Variants in APBB1IP observed in about 807,000 individuals in gnomAD.
APBB1IP encodes the protein amyloid beta precursor protein binding family B member 1 interacting protein.
Under a neutral mutation model 64.9 loss-of-function variants are expected in APBB1IP, and 27 were observed. The ratio of observed to expected loss-of-function variants is 0.42; its 90% confidence interval spans 0.31 to 0.57. The LOEUF is 0.57. APBB1IP is among the 20% of genes least tolerant of loss of function. APBB1IP has a pLI of 0.20. For missense variants in APBB1IP, 812 were observed against 845.5 expected (o/e 0.96, Z 0.49); for synonymous variants, 392 against 331.0 (o/e 1.18, Z -2.00).
At chr10:26,545,738 CG>C (rs1836754791) in intron 11 of APBB1IP, among the ~76,000 whole-genome samples, 1 of 148,032 alleles carries the variant, frequency 6.8e-6, no homozygotes, top group African/African-American at 2.5e-5. Flanking sequence ...CCAGCCTGGG[CG>C]ACAGAGCGAG....
intron 2 of APBB1IP, among the ~76,000 whole-genome samples, chr10:26,445,182 AAGAAAG>A (rs1194783887): frequency 1.4e-5 from 2 of 142,144 alleles, no homozygotes; most frequent in Non-Finnish European, 3.2e-5. Flanking sequence ...GAAAGAAAGA[AAGAAAG>A]AAAGAAAAGG....
intron 3 of APBB1IP, among the ~76,000 whole-genome samples, chr10:26,493,921 C>T (rs1399972950): frequency 6.6e-6 from 1 of 152,176 alleles, no homozygotes; most frequent in East Asian, 1.9e-4. Flanking sequence ...ACTGCAGCCT[C>T]AACCTCTTGG....
intron 4 of APBB1IP, among the ~76,000 whole-genome samples, chr10:26,498,713 T>C (rs1273107391): frequency 2.0e-5 from 3 of 152,166 alleles, no homozygotes; most frequent in Admixed American, 2.0e-4. Flanking sequence ...ACTAACTCAG[T>C]GCCTGGTATC....
intron 6 of APBB1IP, among the ~76,000 whole-genome samples, chr10:26,510,157 A>G (rs1230209538): frequency 2.6e-5 from 4 of 152,056 alleles, no homozygotes; most frequent in African/African-American, 9.7e-5. Context: ...TTTAGTAGAG[A>G]CGGGGTTTCA....
intron 2 of APBB1IP, among the ~76,000 whole-genome samples, chr10:26,475,755 G>A (rs1835768093): frequency 6.6e-6 from 1 of 152,192 alleles, no homozygotes; most frequent in East Asian, 1.9e-4. Flanking sequence ...ACACAGGAGA[G>A]ATAATATTTT....
At chr10:26,541,546 C>T (rs745980852) in intron 10 of APBB1IP, 36 bp from the exon 11 acceptor site, 5 of 1,406,902 alleles carry the variant, frequency 3.6e-6, no homozygotes, top group Middle Eastern at 1.8e-4. Context: ...TAACTGTCAT[C>T]TCAGTTGAAG....
intron 6 of APBB1IP, among the ~76,000 whole-genome samples, chr10:26,508,035 A>G (rs1470478764): frequency 6.6e-6 from 1 of 152,244 alleles, no homozygotes; most frequent in Non-Finnish European, 1.5e-5. Flanking sequence ...AAAGAAAATT[A>G]CGAAGACAAG....
chr10:26,506,245 G>A (rs1421001176), intron 6 of APBB1IP, among the ~76,000 whole-genome samples: 5 of 75,544 alleles, frequency 6.6e-5, no homozygotes, highest in Non-Finnish European at 1.6e-4. Context: ...ACTACCGTGT[G>A]TGTGTGGGGG....
chr10:26,531,547 G>A (rs1200971439), intron 8 of APBB1IP, among the ~76,000 whole-genome samples: 1 of 151,376 alleles, frequency 6.6e-6, no homozygotes, highest in Non-Finnish European at 1.5e-5. Flanking sequence ...GGCGCCTGTA[G>A]TCCCAGCTAC....
intron 2 of APBB1IP, among the ~76,000 whole-genome samples, chr10:26,486,184 T>C (rs926781642): frequency 6.6e-6 from 1 of 152,226 alleles, no homozygotes; most frequent in African/African-American, 2.4e-5. Flanking sequence ...CGCTCTCCAC[T>C]TCATCATAAG....
intron 6 of APBB1IP, among the ~76,000 whole-genome samples, chr10:26,508,259 A>G (rs1836208444): frequency 6.6e-6 from 1 of 152,224 alleles, no homozygotes. Context: ...TTGAATTACA[A>G]ATGATGTATA....
At chr10:26,446,101 G>A (rs1835395337) in intron 2 of APBB1IP, among the ~76,000 whole-genome samples, 1 of 152,126 alleles carries the variant, frequency 6.6e-6, no homozygotes, top group Non-Finnish European at 1.5e-5. Flanking sequence ...GCAGAAGCGG[G>A]GAATCCCACA....
At chr10:26,462,003 T>C (rs531751307) in intron 2 of APBB1IP, among the ~76,000 whole-genome samples, 1 of 152,332 alleles carries the variant, frequency 6.6e-6, no homozygotes, top group African/African-American at 2.4e-5. Context: ...CACCTCCATA[T>C]TTTGCTAACT....
Position 26,524,974 on chromosome 10 carries a change from T to TTTTTTTTTTTTTTTTTTTTTTTTTTTTA in APBB1IP, c.814-8465_814-8464insTTTTTTTTTTTTTTTTTTTTTTTTTTTA, listed in dbSNP as rs1554778195. On this transcript the variant is annotated intron_variant, in intron 8 of 14. Transcript: ENST00000376236. ...TTCTTTCTTTTTTTTTTTTTTTTTT[T>TTTTTTTTTTTTTTTTTTTTTTTTTTTTA]ATAAAAAAAGGAATCCTGGCAAGAG... Among the ~76,000 whole-genome samples, 73 of 126,730 alleles carry TTTTTTTTTTTTTTTTTTTTTTTTTTTTA rather than the reference T, an allele frequency of 5.8e-4. 2 individuals carry two copies. Among genetic ancestry groups the TTTTTTTTTTTTTTTTTTTTTTTTTTTTA allele is most frequent in the East Asian group, 1.2e-3 (4 of 3,418 alleles). 83.1% of individuals were successfully genotyped at this position (126,730 alleles called of 152,430 possible). A position where few individuals can be genotyped will look rare whatever the true frequency, so the allele number is the denominator to read the frequency against.
chr10:26,533,480 A>C lies in APBB1IP; in HGVS notation c.855A>C (p.Glu285Asp). Residue 285 changes from glutamate to aspartate, a missense_variant, in exon 9 of 15, where the codon GAA becomes GAC. By Grantham distance (45) the Glu-to-Asp change is conservative. This residue lies in a region of APBB1IP where 394 missense variants were observed against 413.1 expected (regional missense o/e 0.95). Coordinates refer to ENST00000376236, the MANE Select transcript of APBB1IP (RefSeq NM_019043.4). ...ACAGAGGAAAAAAAGAAAGCAAGGA[A>C]ACTAATGAGAAAATGAATGCTAAGA... The part of the protein sequence containing the change: ...LDNRGKKESK[E>D]TNEKMNAKNK... The C allele has an allele frequency of 6.2e-7, 1 of 1,606,318 alleles. No individual in the cohort carries two copies. The highest frequency in any genetic ancestry group is 8.5e-7 in the Non-Finnish European group (1 of 1,176,934).
intron 9 of APBB1IP, among the ~76,000 whole-genome samples, chr10:26,533,744 G>A (rs1836583792): frequency 6.6e-6 from 1 of 152,050 alleles, no homozygotes; most frequent in Non-Finnish European, 1.5e-5. Flanking sequence ...GATAAATGAA[G>A]CTGGATTTGT....
intron 2 of APBB1IP, among the ~76,000 whole-genome samples, chr10:26,486,379 C>T (rs1383291155): frequency 6.6e-6 from 1 of 152,044 alleles, no homozygotes; most frequent in East Asian, 1.9e-4. Context: ...CAGGAAAAGC[C>T]AACAGATTCC....
At chr10:26,532,023 A>T (rs569926272) in intron 8 of APBB1IP, among the ~76,000 whole-genome samples, 1 of 152,322 alleles carries the variant, frequency 6.6e-6, no homozygotes, top group East Asian at 1.9e-4. Flanking sequence ...TGGAATGCAG[A>T]TTTCCAGGCC....
intron 2 of APBB1IP, among the ~76,000 whole-genome samples, chr10:26,454,119 G>A (rs769300928): frequency 2.0e-5 from 3 of 152,288 alleles, no homozygotes; most frequent in South Asian, 2.1e-4. Flanking sequence ...GACAAACATG[G>A]CATGTTCTCA....
Sources: allele counts gnomAD v4.1 joint callset (sites outside exome capture counted in the v4.1 genomes callset), GRCh38; gene constraint gnomAD v4.1.1; regional missense constraint gnomAD v4.1.1; transcripts MANE v1.5; gene names NCBI Gene and HGNC (gene_info 2026-07-23, HGNC 2026-07-21).